CROCC: variants seen among roughly 807,000 people sequenced by gnomAD.
CROCC encodes rootletin.
CROCC carries 180 observed loss-of-function variants against 245.2 expected under a neutral mutation model. That is an observed-to-expected ratio of 0.73 (90% CI 0.65 to 0.83). The LOEUF is 0.83. CROCC is among the 40% of genes least tolerant of loss of function. CROCC has a pLI of 0.00. For missense variants in CROCC, 2,688 were observed against 2,779.4 expected, an observed-to-expected ratio of 0.97 and a Z score of 0.74; for synonymous variants, 1,205 against 1,241.6, an observed-to-expected ratio of 0.97 and a Z score of 0.62.
chr1:16,914,129 CGCGCGAAGGT>C (rs149234723), intron 1 of CROCC, among the ~76,000 whole-genome samples: 23,904 of 146,070 alleles, frequency 0.16, no homozygotes, highest in East Asian at 0.4. Flanking sequence ...GCGGCGAAGG[CGCGCGAAGGT>C]AGGTGGCCGG....
intron 25 of CROCC, 90 bp from the exon 26 acceptor site, chr1:16,958,493 C>G: frequency 6.8e-7 from 1 of 1,463,250 alleles, no homozygotes; most frequent in Non-Finnish European, 9.3e-7. Context: ...ACATGTGTCC[C>G]TACAGCAGTA....
chr1:16,935,270 G>GAGACACACAGACACATGC (rs2075763629), intron 8 of CROCC, among the ~76,000 whole-genome samples: 2 of 152,220 alleles, frequency 1.3e-5, no homozygotes, highest in African/African-American at 4.8e-5. Flanking sequence ...CACACACACA[G>GAGACACACAGACACATGC]AGACACACAG....
chr1:16,924,309 C>T lies in CROCC; in HGVS notation c.197-16C>T, dbSNP rs376111232. ...TGGACCCAGAAGCCAACCATGTGCC[C>T]ACTGTCCCTTGCCAGTCCTGCTGCC... On this transcript the variant is annotated splice_polypyrimidine_tract_variant and intron_variant, in intron 2 of 36. Coordinates refer to ENST00000375541, the MANE Select transcript of CROCC (RefSeq NM_014675.5). 339 of 1,609,072 alleles carry T rather than the reference C, an allele frequency of 2.1e-4. 2 individuals carry two copies. In the South Asian group the frequency reaches 2.5e-3, roughly 12 times the overall value.
At position 16,966,227 on chromosome 1, in the gene CROCC, CG is replaced by C; in HGVS notation, c.4696+112del. The stretch of plus-strand genomic sequence containing the variant: ...TTGCCGTGGCCCCCATGACCTGACT[CG>C]GGGCTGTCTCCAAGAGGACCCTCCT... On this transcript the variant is annotated intron_variant, in intron 29 of 36. Coordinates refer to ENST00000375541, the MANE Select transcript of CROCC (RefSeq NM_014675.5). The surrounding 1 kb of genome is among the most constrained non-coding windows in gnomAD (Gnocchi z 4.8). 2 of 1,486,972 alleles carry C rather than the reference CG, an allele frequency of 1.3e-6. No individual in the cohort carries two copies. Among genetic ancestry groups the C allele is most frequent in the South Asian group, 2.7e-5 (2 of 74,822 alleles). The allele number at this position is 1,486,972 out of a possible 1,614,324, so 92.1% of individuals were successfully genotyped here. A position where few individuals can be genotyped will look rare whatever the true frequency, so the allele number is the denominator to read the frequency against.
chr1:16,953,191 C>T lies in CROCC; in HGVS notation c.3007-111C>T, dbSNP rs2100495768. ...ACTCCCTTGTATTTACCTGGTCACC[C>T]TCCATCTCTGAGGGTATGGGGGCCA... On this transcript the variant is annotated intron_variant, in intron 20 of 36. Coordinates refer to ENST00000375541, the MANE Select transcript of CROCC (RefSeq NM_014675.5). 3 of 926,756 alleles carry T rather than the reference C, an allele frequency of 3.2e-6. No homozygotes were observed. In the East Asian group the frequency reaches 7.9e-5, roughly 24 times the overall value. 57.4% of individuals were successfully genotyped at this position (926,756 alleles called of 1,614,324 possible). A position where few individuals can be genotyped will look rare whatever the true frequency, so the allele number is the denominator to read the frequency against.
chr1:16,966,366 G>T lies in CROCC; in HGVS notation c.4697-42G>T. On this transcript the variant is annotated intron_variant, in intron 29 of 36. Coordinates refer to ENST00000375541, the MANE Select transcript of CROCC (RefSeq NM_014675.5). The surrounding 1 kb of genome is among the most constrained non-coding windows in gnomAD (Gnocchi z 4.8). ...TTTGTGACCTGGTTTGGGTCTCGGG[G>T]CTGTGCTTGGCCATGCCTGACGGGG... 6.7e-7 allele frequency: 1 copy of T among 1,487,004 alleles called. No homozygotes were observed. Among genetic ancestry groups the T allele is most frequent in the African/African-American group, 1.4e-5 (1 of 71,818 alleles). The allele number at this position is 1,487,004 out of a possible 1,614,324, so 92.1% of individuals were successfully genotyped here. A position where few individuals can be genotyped will look rare whatever the true frequency, so the allele number is the denominator to read the frequency against.
At chr1:16,945,187 C>T (rs1323612246) in intron 14 of CROCC, among the ~76,000 whole-genome samples, 18 of 152,390 alleles carry the variant, frequency 1.2e-4, no homozygotes, top group East Asian at 5.8e-4. Context: ...CAGCCAGGAT[C>T]GCACCACTGT....
At chr1:16,947,047 C>A (rs2076065761) in intron 17 of CROCC, 56 bp downstream of exon 17, 1 of 1,440,842 alleles carries the variant, frequency 6.9e-7, no homozygotes, top group East Asian at 2.5e-5. Context: ...AGGCCGGGCT[C>A]CCAGCCCCCT....
At chr1:16,937,015 C>G (rs1478679746) in intron 9 of CROCC, 142 bp downstream of exon 9, 4 of 917,968 alleles carry the variant, frequency 4.4e-6, no homozygotes, top group Non-Finnish European at 6.7e-6. Context: ...ACTGAGGTTC[C>G]GAAGGCACTT....
intron 35 of CROCC, chr1:16,971,037 T>TATGGAGCATGAATCTTGTGC (rs2076508679): frequency 4.4e-6 from 2 of 455,970 alleles, no homozygotes; most frequent in East Asian, 6.8e-5. Context: ...GATTCTTGTG[T>TATGGAGCATGAATCTTGTGC]ATGGAGCATG....
intron 35 of CROCC, 53 bp from the exon 36 acceptor site, chr1:16,971,412 G>GCA (rs887795669): frequency 1.9e-5 from 28 of 1,475,642 alleles, no homozygotes; most frequent in Middle Eastern, 2.4e-4. Context: ...CGTCACACAT[G>GCA]CACACACACA....
At chr1:16,953,101 G>A in intron 20 of CROCC, 1 of 582,350 alleles carries the variant, frequency 1.7e-6, no homozygotes, top group Non-Finnish European at 3.0e-6. Flanking sequence ...CGGACCCCCA[G>A]GCCAGCCCAC....
At chr1:16,971,713 C>A in intron 36 of CROCC, 66 bp downstream of exon 36, 1 of 1,381,140 alleles carries the variant, frequency 7.2e-7, no homozygotes, top group Non-Finnish European at 9.5e-7. Flanking sequence ...GAGGAGAGAC[C>A]CAATCAAGAC....
intron 36 of CROCC, 88 bp downstream of exon 36, chr1:16,971,735 A>G: frequency 7.7e-7 from 1 of 1,302,536 alleles, no homozygotes. Flanking sequence ...TTGTGGGTAT[A>G]GGCAGTCGAT....
intron 7 of CROCC, 65 bp downstream of exon 7, chr1:16,930,659 G>C (rs1203182727): frequency 1.6e-5 from 25 of 1,516,008 alleles, no homozygotes; most frequent in Non-Finnish European, 2.1e-5. Flanking sequence ...GAGGAGGGAG[G>C]ACTCAGAAGC....
intron 8 of CROCC, among the ~76,000 whole-genome samples, chr1:16,932,397 G>A (rs1180491790): frequency 3.9e-5 from 6 of 152,358 alleles, no homozygotes; most frequent in African/African-American, 1.2e-4. Context: ...CCGAGATCTC[G>A]CCATTGTACT....
chr1:16,944,971 G>T (rs1488233429), intron 14 of CROCC, among the ~76,000 whole-genome samples: 7 of 152,392 alleles, frequency 4.6e-5, no homozygotes, highest in African/African-American at 1.4e-4. Context: ...AGTGGCTCAC[G>T]CCTGTAATCC....
chr1:16,939,209 T>TGGGGGCGAGGGC, intron 12 of CROCC, 67 bp downstream of exon 12: 1 of 695,990 alleles, frequency 1.4e-6, no homozygotes, highest in South Asian at 2.4e-5. Context: ...GCCCTCCGGG[T>TGGGGGCGAGGGC]GGGGGCGGGG....
At chr1:16,947,166 C>A (rs1230486062) in intron 17 of CROCC, among the ~76,000 whole-genome samples, 175 bp downstream of exon 17, 3 of 152,284 alleles carry the variant, frequency 2.0e-5, no homozygotes, top group Non-Finnish European at 2.9e-5. Flanking sequence ...TCTCCCATAC[C>A]TCAGTTGCCC....
Sources: gnomAD v4.1 joint callset for allele counts (sites outside exome capture counted in the v4.1 genomes callset) on GRCh38, gnomAD v4.1.1 for gene constraint, Gnocchi (gnomAD v3.1) non-coding constraint, MANE v1.5 for transcripts, NCBI Gene and HGNC (gene_info 2026-07-23, HGNC 2026-07-21) for gene names.